The following ZNF800 variants were observed in gnomAD, a reference collection of about 807,000 sequenced individuals.
The protein encoded by ZNF800 is zinc finger protein 800.
Under a neutral mutation model 59.5 loss-of-function variants are expected in ZNF800, and 13 were observed. The ratio of observed to expected loss-of-function variants is 0.22; its 90% CI spans 0.14 to 0.35. The LOEUF (loss-of-function observed/expected upper bound fraction) is 0.35. Ranked by LOEUF, ZNF800 falls within the 10% of genes least tolerant of loss-of-function variation. The probability of loss-of-function intolerance (pLI) is 1.00; values close to 1 mark genes in which losing one functional copy is unlikely to be tolerated. For missense variants in ZNF800, 621 were observed against 783.7 expected (o/e 0.79, Z 2.48); for synonymous variants, 266 against 265.7 (o/e 1.00, Z -0.01).
downstream of ZNF800, among the ~76,000 whole-genome samples, chr7:127,366,245 T>C (rs752275110): frequency 2.6e-5 from 4 of 152,200 alleles, no homozygotes; most frequent in South Asian, 2.1e-4. Flanking sequence ...GTGTCTGTCA[T>C]TGAAGGAATG....
chr7:127,360,987 A>C (rs1399143083), intron 1 of ZNF800: 1 of 152,138 alleles, frequency 6.6e-6, no homozygotes, highest in African/African-American at 2.4e-5. Context: ...TATAGGTCAC[A>C]AACTGTACTC....
rs1054239678 is a variant in ZNF800 at position 127,374,785 on chromosome 7, G to A, written c.551C>T (p.Thr184Ile). 6.2e-7 allele frequency: 1 copy of A among 1,613,512 alleles called. No individual in the cohort carries two copies. Among genetic ancestry groups the A allele is most frequent in the Non-Finnish European group, 8.5e-7 (1 of 1,179,770 alleles). ...CTCTACAGTTTCCACCTCTGTATCTGTAACCGGTACTGTTTTTGACTGTTC... is the reference window on the plus strand; with the variant it reads ...CTCTACAGTTTCCACCTCTGTATCTATAACCGGTACTGTTTTTGACTGTTC... ...STEQSKTVPV[T>I]DTEVETVEPP... Residue 184 changes from threonine to isoleucine, a missense_variant, in exon 5 of 6, where the codon ACA becomes ATA. Physicochemically the swap from Thr to Ile is moderately conservative, Grantham distance 89. This residue lies in a region of ZNF800 where 218 missense variants were observed against 230.8 expected (regional missense o/e 0.94). Transcript: ENST00000265827.
At position 127,373,237 on chromosome 7, in the gene ZNF800, G is replaced by A. The variant is rs538566606; in HGVS notation, c.1994+105C>T. The A allele has an allele frequency of 3.3e-5, 50 of 1,498,108 alleles. No homozygotes were observed. The African/African-American group carries it at 5.7e-4, about 17-fold the overall frequency. 92.8% of individuals were successfully genotyped at this position (1,498,108 alleles called of 1,614,324 possible). A position where few individuals can be genotyped will look rare whatever the true frequency, so the allele number is the denominator to read the frequency against. On this transcript the variant is annotated intron_variant, in intron 5 of 5. Coordinates refer to ENST00000265827, the MANE Select transcript of ZNF800 (RefSeq NM_176814.5). Reference sequence around the variant, plus strand: ...CAGTTCCCATTGCCATGAGATATATGGAAGCAAACGTGTTAAAATGGAACC... The same window carrying A: ...CAGTTCCCATTGCCATGAGATATATAGAAGCAAACGTGTTAAAATGGAACC...
chr7:127,384,470 G>C (rs12706785), intron 3 of ZNF800, among the ~76,000 whole-genome samples: 39 of 151,468 alleles, frequency 2.6e-4, no homozygotes, highest in African/African-American at 7.0e-4. Flanking sequence ...TCCTGACCTC[G>C]TGATCTGCCC....
chr7:127,380,560 G>A (rs1800946491), intron 3 of ZNF800, among the ~76,000 whole-genome samples: 2 of 152,220 alleles, frequency 1.3e-5, no homozygotes, highest in East Asian at 3.9e-4. Flanking sequence ...CATGGAGACA[G>A]AATGGCTTTC....
Position 127,374,991 on chromosome 7 carries a change from A to G in ZNF800, c.345T>C (p.Asp115=). 1.9e-6 allele frequency: 3 copies of G among 1,602,206 alleles called. No individual in the cohort carries two copies. Among genetic ancestry groups the G allele is most frequent in the Non-Finnish European group, 2.6e-6 (3 of 1,175,202 alleles). ...VNDKQSQAIN[D]LLEAIYPSVD... ...CACTTGGATATATGGCTTCTAGGAG[A>G]TCATTTATGGCTTGGCTTTGTTTAT... is the stretch of plus-strand genomic sequence containing the variant. The change falls in exon 5 of 6, where the codon GAT becomes GAC. Residue 115 remains aspartate, a synonymous_variant. Coordinates refer to ENST00000265827, the MANE Select transcript of ZNF800 (RefSeq NM_176814.5).
At chr7:127,349,821 G>A (rs1181094819) in intron 1 of ZNF800, 4 of 152,156 alleles carry the variant, frequency 2.6e-5, no homozygotes, top group African/African-American at 9.7e-5. Context: ...ACCAAACAAT[G>A]TTAAATACAA....
At chr7:127,391,970 C>A (rs1215787468) in intron 1 of ZNF800, 90 bp downstream of exon 1, 4 of 380,202 alleles carry the variant, frequency 1.1e-5, no homozygotes, top group African/African-American at 8.4e-5. Context: ...CCGCCGGCTG[C>A]TGGCCCACGC....
chr7:127,390,354 G>C (rs17862372), intron 2 of ZNF800, among the ~76,000 whole-genome samples: 2,111 of 152,302 alleles, frequency 0.014, 22 homozygotes, highest in Non-Finnish European at 0.023. Context: ...GTCAAGAGCA[G>C]TTCAATAGAA....
At chr7:127,366,169 T>C (rs1340527692), downstream of ZNF800, among the ~76,000 whole-genome samples, 1 of 152,052 alleles carries the variant, frequency 6.6e-6, no homozygotes, top group Non-Finnish European at 1.5e-5. Context: ...ATCCGTGCTT[T>C]AACCACTGTA....
intron 1 of ZNF800, among the ~76,000 whole-genome samples, chr7:127,357,734 C>T (rs1800301064): frequency 6.6e-6 from 1 of 151,880 alleles, no homozygotes; most frequent in Admixed American, 6.6e-5. Context: ...CTGAATACAA[C>T]ACATAAATTA....
In ZNF800 at chr7:127,377,166, A is replaced by T. The variant is rs756537594; in HGVS notation, c.301+20T>A. ...TACTTAGCTGTAAAATGCATAACTG[A>T]GTATATGAATAAAACTTACTGTCAT... On this transcript the variant is annotated intron_variant, in intron 4 of 5. Coordinates refer to ENST00000265827, the MANE Select transcript of ZNF800 (RefSeq NM_176814.5). The surrounding 1 kb of genome is among the most constrained non-coding windows in gnomAD (Gnocchi z 4.7). 3.8e-6 allele frequency: 6 copies of T among 1,599,482 alleles called. No individual in the cohort carries two copies. Among genetic ancestry groups the T allele is most frequent in the Non-Finnish European group, 5.1e-6 (6 of 1,173,702 alleles).
chr7:127,376,314 G>A (rs1037671942), intron 4 of ZNF800, among the ~76,000 whole-genome samples: 1 of 151,890 alleles, frequency 6.6e-6, no homozygotes, highest in African/African-American at 2.4e-5. Flanking sequence ...AATCCACAAT[G>A]CATCTACGCT....
intron 1 of ZNF800, among the ~76,000 whole-genome samples, chr7:127,356,255 CTGTGTG>C (rs569310339): frequency 1.4e-5 from 2 of 143,666 alleles, no homozygotes; most frequent in Admixed American, 1.4e-4. Context: ...AAAGTTGTGT[CTGTGTG>C]TGTGTGTGTA....
chr7:127,355,359 T>G (rs1020240112), intron 1 of ZNF800, among the ~76,000 whole-genome samples: 1 of 152,042 alleles, frequency 6.6e-6, no homozygotes, highest in African/African-American at 2.4e-5. Flanking sequence ...CTTTCATAAT[T>G]CTACATGCTG....
downstream of ZNF800, among the ~76,000 whole-genome samples, chr7:127,345,026 G>C (rs886550868): frequency 6.6e-6 from 1 of 152,140 alleles, no homozygotes; most frequent in Non-Finnish European, 1.5e-5. Context: ...GGATTAAATT[G>C]ATAGATATCT....
downstream of ZNF800, among the ~76,000 whole-genome samples, chr7:127,343,918 T>G (rs1171559325): frequency 2.6e-5 from 4 of 152,034 alleles, no homozygotes; most frequent in Non-Finnish European, 5.9e-5. Flanking sequence ...TTAATATAAT[T>G]GAACAACTTC....
chr7:127,385,960 A>G, intron 3 of ZNF800, 100 bp downstream of exon 3: 1 of 733,738 alleles, frequency 1.4e-6, no homozygotes, highest in Non-Finnish European at 2.2e-6. Context: ...GAAAGCCAAC[A>G]TATACATTTT....
chr7:127,360,670 TTTATTTATACTAACAG>T (rs1800376649), intron 1 of ZNF800: 1 of 152,030 alleles, frequency 6.6e-6, no homozygotes, highest in African/African-American at 2.4e-5. Context: ...AGATGGAAAC[TTTATTTATACTAACAG>T]CAACTCAAAT....
Sources: allele counts gnomAD v4.1 joint callset (sites outside exome capture counted in the v4.1 genomes callset), GRCh38; gene constraint gnomAD v4.1.1; regional missense constraint gnomAD v4.1.1; non-coding constraint Gnocchi (gnomAD v3.1); transcripts MANE v1.5; gene names NCBI Gene and HGNC (gene_info 2026-07-23, HGNC 2026-07-21).